The following WDPCP variants were observed in gnomAD, a reference collection of about 807,000 sequenced individuals.
WDPCP encodes the protein WD repeat-containing and planar cell polarity effector protein fritz homolog.
A neutral mutation model predicts 93.1 loss-of-function variants in WDPCP; 71 were observed. The observed-to-expected ratio is 0.76, with a 90% CI of 0.63 to 0.93. The LOEUF is 0.93. Ranked by LOEUF, WDPCP falls within the 40% of genes least tolerant of loss-of-function variation. WDPCP has a pLI of 0.00. For missense variants in WDPCP, 844 were observed against 887.4 expected (o/e 0.95, Z 0.62); for synonymous variants, 315 against 315.0 (o/e 1.00, Z 0.00).
rs1319010108 is a variant in WDPCP at position 63,204,069 on chromosome 2, C to A, written c.1916-29237G>T. On this transcript the variant is annotated intron_variant, in intron 14 of 17. Coordinates refer to ENST00000272321, the MANE Select transcript of WDPCP (RefSeq NM_015910.7). ...TACCTTCTTTTGAGTAGATACCCAGCAGTGGGATTGTTGACTCATGTGGTA... is the reference window on the plus strand; with the variant it reads ...TACCTTCTTTTGAGTAGATACCCAGAAGTGGGATTGTTGACTCATGTGGTA... Among the ~76,000 whole-genome samples, 5 of 152,282 alleles carry A rather than the reference C, an allele frequency of 3.3e-5. No homozygotes were observed. In the East Asian group the frequency reaches 7.7e-4, roughly 24 times the overall value.
intron 2 of WDPCP, among the ~76,000 whole-genome samples, chr2:63,743,621 C>T (rs1183577926): frequency 6.6e-6 from 1 of 152,106 alleles, no homozygotes; most frequent in Non-Finnish European, 1.5e-5. Flanking sequence ...ACTTGCATGA[C>T]AGTCCACAGC....
At chr2:63,535,857 C>G (rs1704236173) in intron 1 of WDPCP, among the ~76,000 whole-genome samples, 1 of 152,152 alleles carries the variant, frequency 6.6e-6, no homozygotes. Flanking sequence ...CCAAAATTGA[C>G]AAATGGGATC....
At chr2:63,499,597 G>T (rs1701420648) in intron 1 of WDPCP, among the ~76,000 whole-genome samples, 1 of 152,182 alleles carries the variant, frequency 6.6e-6, no homozygotes, top group Admixed American at 6.5e-5. Context: ...CAGTAACAAG[G>T]ACCTGAATTG....
chr2:63,259,801 T>C (rs1251162017), intron 13 of WDPCP, among the ~76,000 whole-genome samples: 2 of 152,204 alleles, frequency 1.3e-5, no homozygotes, highest in African/African-American at 2.4e-5. Flanking sequence ...TAAACAGATT[T>C]GTTGCTGCAT....
intron 13 of WDPCP, among the ~76,000 whole-genome samples, chr2:63,284,257 A>G (rs1007881827): frequency 6.6e-5 from 10 of 152,232 alleles, no homozygotes; most frequent in African/African-American, 1.4e-4. Flanking sequence ...GCAGATGGTT[A>G]TAACTTAAAC....
At chr2:63,425,679 A>G (rs1440940297) in intron 9 of WDPCP, among the ~76,000 whole-genome samples, 1 of 152,250 alleles carries the variant, frequency 6.6e-6, no homozygotes, top group Non-Finnish European at 1.5e-5. Context: ...ACAATTTTTA[A>G]AAGAATTTTT....
At chr2:63,693,678 G>A (rs1486170585) in intron 2 of WDPCP, among the ~76,000 whole-genome samples, 2 of 152,118 alleles carry the variant, frequency 1.3e-5, no homozygotes, top group Non-Finnish European at 2.9e-5. Flanking sequence ...AAGTAGGAGG[G>A]AGCAGATTTT....
intron 5 of WDPCP, 35 bp from the exon 6 acceptor site, chr2:63,484,698 G>C (rs967661862): frequency 1.7e-5 from 27 of 1,611,808 alleles, no homozygotes; most frequent in East Asian, 2.2e-5. Context: ...AGCGTAGTTG[G>C]CTGTACACAT....
chr2:63,760,959 C>T (rs1670047639), intron 2 of WDPCP, among the ~76,000 whole-genome samples: 2 of 152,222 alleles, frequency 1.3e-5, no homozygotes. Flanking sequence ...ACTGGGTTTA[C>T]TACTAGGCTC....
intron 14 of WDPCP, among the ~76,000 whole-genome samples, chr2:63,212,695 C>G (rs1676931963): frequency 6.6e-6 from 1 of 151,698 alleles, no homozygotes; most frequent in African/African-American, 2.4e-5. Context: ...GAGTCAAGAC[C>G]CATCAATGTG....
intron 2 of WDPCP, chr2:63,684,203 G>A: frequency 2.9e-6 from 1 of 348,762 alleles, no homozygotes. Flanking sequence ...CATTTTCAAG[G>A]ATAGGCCATA....
At chr2:63,663,212 C>T (rs1209880317) in intron 2 of WDPCP, among the ~76,000 whole-genome samples, 1 of 152,186 alleles carries the variant, frequency 6.6e-6, no homozygotes, top group African/African-American at 2.4e-5. Context: ...GGTAGCTTCC[C>T]TGTACCCTGC....
upstream of WDPCP, among the ~76,000 whole-genome samples, chr2:63,591,480 CTG>C (rs1300649197): frequency 6.6e-6 from 1 of 152,200 alleles, no homozygotes; most frequent in African/African-American, 2.4e-5. Flanking sequence ...TCACTAAGGA[CTG>C]TGATACTGTG....
intron 14 of WDPCP, chr2:63,228,295 C>A (rs1235557465): frequency 4.0e-5 from 6 of 151,664 alleles, no homozygotes; most frequent in African/African-American, 1.5e-4. Flanking sequence ...AATCCTTACA[C>A]CTAACTATAA....
rs1460602705 is a variant in WDPCP at position 63,585,610 on chromosome 2, T to TA, written c.75+2586dup. Among the ~76,000 whole-genome samples the TA allele has an allele frequency of 2.0e-5, 3 of 152,236 alleles. No homozygotes were observed. In the East Asian group the frequency reaches 5.8e-4, roughly 29 times the overall value. ...ACATATTTCTAAAAATGTAGCTACT[T>TA]AGACAGACAGCAATGTAAAGGCATC... On this transcript the variant is annotated intron_variant, in intron 1 of 17. Coordinates refer to ENST00000272321, the MANE Select transcript of WDPCP (RefSeq NM_015910.7).
chr2:63,314,359 GA>G (rs757653901), intron 12 of WDPCP, among the ~76,000 whole-genome samples: 16 of 152,106 alleles, frequency 1.1e-4, no homozygotes, highest in South Asian at 4.2e-4. Context: ...TGTAGAGATG[GA>G]GTTTTTGCCA....
At chr2:63,818,677 G>C (rs1670973991) in intron 1 of WDPCP, among the ~76,000 whole-genome samples, 1 of 152,140 alleles carries the variant, frequency 6.6e-6, no homozygotes, top group Non-Finnish European at 1.5e-5. Context: ...TTGAGCAAAA[G>C]AAGCAGGATA....
intron 14 of WDPCP, among the ~76,000 whole-genome samples, chr2:63,222,829 TAA>T (rs1380084575): frequency 9.8e-5 from 15 of 152,326 alleles, no homozygotes; most frequent in Admixed American, 9.8e-4. Flanking sequence ...CTCTTCTCTA[TAA>T]AGTTATGACA....
intron 13 of WDPCP, among the ~76,000 whole-genome samples, chr2:63,303,361 T>C (rs911685109): frequency 1.6e-4 from 25 of 152,094 alleles, no homozygotes; most frequent in Non-Finnish European, 4.4e-5. Context: ...TCTGGTGTGG[T>C]AGGACGTGGG....
Sources: gnomAD v4.1 joint callset for allele counts (sites outside exome capture counted in the v4.1 genomes callset) on GRCh38, gnomAD v4.1.1 for gene constraint, MANE v1.5 for transcripts, NCBI Gene and HGNC (gene_info 2026-07-23, HGNC 2026-07-21) for gene names.